DHRSX: variants seen among roughly 807,000 people sequenced by gnomAD.
DHRSX encodes dehydrogenase/reductase X-linked, also known as polyprenol dehydrogenase.
A neutral mutation model predicts 34.0 loss-of-function variants in DHRSX; 31 were observed. That is an observed-to-expected ratio of 0.91 (90% CI 0.69 to 1.23). DHRSX has a LOEUF of 1.23. DHRSX is among the 50% of genes most tolerant of loss of function. DHRSX has a pLI of 0.00. For missense variants in DHRSX, 414 were observed against 428.1 expected (o/e 0.97, Z 0.29); for synonymous variants, 201 against 183.8 (o/e 1.09, Z -0.76).
chrX:2,241,463 G>A, intron 6 of DHRSX, among the ~76,000 whole-genome samples: 1 of 152,224 alleles, frequency 6.6e-6, no homozygotes, highest in South Asian at 2.1e-4. Context: ...TGTCAAAGAA[G>A]GAAAAATGAC....
intron 4 of DHRSX, among the ~76,000 whole-genome samples, chrX:2,283,185 G>A (rs2041752390): frequency 6.6e-6 from 1 of 151,942 alleles, no homozygotes; most frequent in Non-Finnish European, 1.5e-5. Context: ...GCTATGGGAC[G>A]GACGCCCTGA....
At chrX:2,252,293 T>C (rs2016451874) in intron 5 of DHRSX, among the ~76,000 whole-genome samples, 1 of 152,034 alleles carries the variant, frequency 6.6e-6, no homozygotes, top group Admixed American at 6.6e-5. Context: ...GACAGGGAAA[T>C]TGAGTAGTTC....
At chrX:2,349,718 C>G (rs1056521638) in intron 3 of DHRSX, among the ~76,000 whole-genome samples, 10 of 151,318 alleles carry the variant, frequency 6.6e-5, no homozygotes, top group African/African-American at 2.2e-4. Flanking sequence ...GCTGTAAATA[C>G]ACACAATGGG....
chrX:2,396,550 G>T (rs1295987099), intron 3 of DHRSX, among the ~76,000 whole-genome samples: 2 of 151,106 alleles, frequency 1.3e-5, no homozygotes, highest in African/African-American at 2.4e-5. Context: ...GCTAATTTTT[G>T]TATTTTTAGT....
rs769936596 is a variant in DHRSX, at chrX:2,349,997, C to G, written c.287-58394G>C. Among the ~76,000 whole-genome samples, 407 of 151,750 alleles carry G rather than the reference C, an allele frequency of 2.7e-3. 1 individual carries two copies. Among genetic ancestry groups the G allele is most frequent in the African/African-American group, 8.9e-3 (368 of 41,434 alleles). ...GAGCTTGCAGTAAGCCGAGATCGCG[C>G]CACTGCACTCCAGCCTGGGCGACAG... On this transcript the variant is annotated intron_variant, in intron 3 of 6. Transcript: ENST00000334651.
At chrX:2,484,061 C>T (rs1223106966) in intron 1 of DHRSX, among the ~76,000 whole-genome samples, 4 of 152,172 alleles carry the variant, frequency 2.6e-5, no homozygotes, top group Admixed American at 1.3e-4. Flanking sequence ...CTACAACCTC[C>T]GCCTCCCTGG....
intron 4 of DHRSX, among the ~76,000 whole-genome samples, chrX:2,276,733 C>G (rs1293442108): frequency 4.8e-5 from 7 of 146,374 alleles, no homozygotes; most frequent in Non-Finnish European, 9.0e-5. Context: ...AAAGGGCAAT[C>G]AGAGAGAGAG....
intron 3 of DHRSX, among the ~76,000 whole-genome samples, chrX:2,396,024 C>G (rs184789856): frequency 1.5e-4 from 23 of 152,236 alleles, no homozygotes; most frequent in African/African-American, 4.3e-4. Context: ...ACCATGCTCC[C>G]TCCGGGGGCT....
chrX:2,425,535 C>G (rs1234838360), intron 1 of DHRSX, among the ~76,000 whole-genome samples: 3 of 152,120 alleles, frequency 2.0e-5, no homozygotes, highest in Admixed American at 2.0e-4. Flanking sequence ...CCCTGTCATC[C>G]CCTGTGAGTC....
intron 3 of DHRSX, among the ~76,000 whole-genome samples, chrX:2,392,785 T>C (rs2043350341): frequency 7.3e-6 from 1 of 136,250 alleles, no homozygotes; most frequent in Non-Finnish European, 1.5e-5. Context: ...ATTTATAGAA[T>C]AGCATAAATA....
chrX:2,244,683 T>TTA (rs67687726), intron 5 of DHRSX, among the ~76,000 whole-genome samples: 25 of 149,294 alleles, frequency 1.7e-4, no homozygotes, highest in East Asian at 7.8e-4. Context: ...CTTGCTTCTT[T>TTA]TATATATATA....
At chrX:2,282,792 GA>G (rs773810008) in intron 4 of DHRSX, among the ~76,000 whole-genome samples, 39,600 of 112,280 alleles carry the variant, frequency 0.35, 9,265 homozygotes, top group Non-Finnish European at 0.4. Context: ...GGGAGAGAGA[GA>G]AGAAAGAGAG....
intron 6 of DHRSX, among the ~76,000 whole-genome samples, chrX:2,241,596 C>T (rs73183470): frequency 0.13 from 20,075 of 152,084 alleles, 1,851 homozygotes; most frequent in Non-Finnish European, 0.19. Flanking sequence ...GCCTCTGTCC[C>T]TGCAGAGACT....
intron 1 of DHRSX, among the ~76,000 whole-genome samples, chrX:2,425,818 C>G (rs1458324244): frequency 6.6e-6 from 1 of 152,156 alleles, no homozygotes; most frequent in African/African-American, 2.4e-5. Flanking sequence ...CAGGACCACA[C>G]AGGGGCGCAC....
At chrX:2,360,519 A>G (rs1020197326) in intron 3 of DHRSX, among the ~76,000 whole-genome samples, 14 of 151,948 alleles carry the variant, frequency 9.2e-5, no homozygotes, top group Non-Finnish European at 1.9e-4. Context: ...GGAGGCGGAG[A>G]TTGCAGTGAG....
chrX:2,454,838 C>T (rs765522215), intron 1 of DHRSX, among the ~76,000 whole-genome samples: 22 of 152,136 alleles, frequency 1.4e-4, no homozygotes, highest in Non-Finnish European at 2.5e-4. Context: ...ATTGGTTGGG[C>T]GTGGTGGCTC....
intron 1 of DHRSX, among the ~76,000 whole-genome samples, chrX:2,464,031 T>C (rs1365929719): frequency 6.6e-6 from 1 of 152,106 alleles, no homozygotes; most frequent in East Asian, 1.9e-4. Context: ...CGGCCACCTG[T>C]ACACACTGGA....
intron 1 of DHRSX, among the ~76,000 whole-genome samples, chrX:2,426,012 C>T (rs760959533): frequency 5.3e-5 from 8 of 151,948 alleles, no homozygotes; most frequent in Non-Finnish European, 7.4e-5. Flanking sequence ...TGGAGAGTGA[C>T]GTGGAATATG....
chrX:2,402,174 G>A (rs769566324), intron 3 of DHRSX, among the ~76,000 whole-genome samples: 2 of 152,222 alleles, frequency 1.3e-5, no homozygotes, highest in African/African-American at 4.8e-5. Context: ...GAGTCAGGAC[G>A]TGAGCCGACT....
Sources: allele counts gnomAD v4.1 joint callset (sites outside exome capture counted in the v4.1 genomes callset), GRCh38; gene constraint gnomAD v4.1.1; transcripts MANE v1.5; gene names NCBI Gene and HGNC (gene_info 2026-07-23, HGNC 2026-07-21).